The following HTR6 variants were observed in gnomAD, a reference collection of about 807,000 sequenced individuals.
HTR6 encodes the protein 5-hydroxytryptamine receptor 6.
In HTR6, 15 loss-of-function variants were observed where a neutral mutation model predicts 17.4. The observed-to-expected ratio is 0.86, with a 90% CI of 0.58 to 1.33. The LOEUF (loss-of-function observed/expected upper bound fraction) is 1.33. Ranked by LOEUF, HTR6 falls within the 40% of genes most tolerant of loss-of-function variation. HTR6 has a pLI of 0.00. For synonymous variants in HTR6, 326 were observed against 295.5 expected, an observed-to-expected ratio of 1.10 and a Z score of -1.06; for missense variants, 578 against 616.0, an observed-to-expected ratio of 0.94 and a Z score of 0.65.
Position 19,672,593 on chromosome 1 carries a change from C to T in HTR6, c.715-5974C>T, listed in dbSNP as rs2100472382. On this transcript the variant is annotated intron_variant, in intron 1 of 2. Coordinates refer to ENST00000289753, the MANE Select transcript of HTR6 (RefSeq NM_000871.3). ...GGGTCTGGCTGGTTAGGGTTCAAGCCCTGCCTCTTTTGCCTCATAGCTGGA... is the reference window on the plus strand; with the variant it reads ...GGGTCTGGCTGGTTAGGGTTCAAGCTCTGCCTCTTTTGCCTCATAGCTGGA... Among the ~76,000 whole-genome samples the T allele has an allele frequency of 1.3e-5, 2 of 152,264 alleles. 1 individual carries two copies. Among genetic ancestry groups the T allele is most frequent in the South Asian group, 4.2e-4 (2 of 4,814 alleles).
intron 1 of HTR6, among the ~76,000 whole-genome samples, chr1:19,674,339 T>G (rs1369496478): frequency 6.6e-6 from 1 of 152,304 alleles, no homozygotes; most frequent in East Asian, 1.9e-4. Context: ...ATTGATTCAT[T>G]CTTTTAAAAC....
chr1:19,678,837 T>C (rs2095097603), intron 2 of HTR6, 82 bp from the exon 3 acceptor site: 2 of 1,557,938 alleles, frequency 1.3e-6, no homozygotes, highest in Non-Finnish European at 1.7e-6. Flanking sequence ...TGCGTGTGTG[T>C]GTGTGTCTGC....
At chr1:19,670,124 A>G (rs193146277) in intron 1 of HTR6, among the ~76,000 whole-genome samples, 2 of 151,932 alleles carry the variant, frequency 1.3e-5, no homozygotes, top group Admixed American at 6.6e-5. Flanking sequence ...TCTTTCAGCC[A>G]TACTGGCCTC....
chr1:19,675,876 C>T (rs1015904578), intron 1 of HTR6, among the ~76,000 whole-genome samples: 1 of 152,188 alleles, frequency 6.6e-6, no homozygotes, highest in African/African-American at 2.4e-5. Flanking sequence ...ATAGAGTCCA[C>T]TCTGGAGGAG....
rs748475745 is a variant in HTR6, at chr1:19,666,508, G to A, written c.714+41G>A. The A allele has an allele frequency of 1.1e-5, 16 of 1,482,244 alleles. No individual in the cohort carries two copies. Among genetic ancestry groups the A allele is most frequent in the South Asian group, 1.2e-5 (1 of 81,100 alleles). 91.8% of individuals were successfully genotyped at this position (1,482,244 alleles called of 1,614,324 possible). On this transcript the variant is annotated intron_variant, in intron 1 of 2. Coordinates refer to ENST00000289753, the MANE Select transcript of HTR6 (RefSeq NM_000871.3). This position sits in a 1 kb window ranked among gnomAD's most constrained non-coding sequence, Gnocchi z 4.5. ...AGGGAGACCCGGGCTGTGGGATAGA[G>A]AGGAATGAGCAGCCCCTGGGGACCC...
At chr1:19,677,650 A>T (rs2095095966) in intron 1 of HTR6, among the ~76,000 whole-genome samples, 1 of 152,250 alleles carries the variant, frequency 6.6e-6, no homozygotes, top group Non-Finnish European at 1.5e-5. Context: ...TTGCTCCCAA[A>T]TGTGAAGACA....
rs549783007 is a variant in HTR6, at chr1:19,679,039, G to A, written c.994G>A (p.Gly332Ser). ...CATGCGGGACTTCAAGCGGGCGCTG[G>A]GCAGGTTCCTGCCATGTCCACGCTG... ...LFMRDFKRALGRFLPCPRCPR... is the reference protein window; with the variant it reads ...LFMRDFKRALSRFLPCPRCPR... Residue 332 changes from glycine (G) to serine (S), a missense_variant, in exon 3 of 3, where the codon GGC becomes AGC. Physicochemically the swap from Gly to Ser is moderately conservative, Grantham distance 56. Transcript: ENST00000289753. This position sits in a 1 kb window ranked among gnomAD's most constrained non-coding sequence, Gnocchi z 4.9. 6.2e-7 allele frequency: 1 copy of A among 1,614,096 alleles called. No individual in the cohort carries two copies. The highest frequency in any genetic ancestry group is 8.5e-7 in the Non-Finnish European group (1 of 1,179,980).
At position 19,679,462 on chromosome 1, in the gene HTR6, A is replaced by G. The variant is rs2095099032; in HGVS notation, c.*94A>G. 3 of 1,434,608 alleles carry G rather than the reference A, an allele frequency of 2.1e-6. No homozygotes were observed. Among genetic ancestry groups the G allele is most frequent in the Non-Finnish European group, 1.8e-6 (2 of 1,093,370 alleles). 88.9% of individuals were successfully genotyped at this position (1,434,608 alleles called of 1,614,324 possible). ...CTCTTGGCTAAGACCAGGAGGCTGC[A>G]AGTCTCCTAGAAGCCCTCTGAGCTC... On this transcript the variant is annotated 3_prime_UTR_variant, in exon 3 of 3. Transcript: ENST00000289753. The surrounding 1 kb of genome is among the most constrained non-coding windows in gnomAD (Gnocchi z 4.9).
rs1269687727 is a variant in HTR6, at chr1:19,676,465, T to C, written c.715-2102T>C. 2.6e-5 allele frequency among the ~76,000 whole-genome samples: 4 copies of C among 152,244 alleles called. No individual in the cohort carries two copies. In the South Asian group the frequency reaches 6.2e-4, roughly 24 times the overall value. Reference sequence around the variant, plus strand: ...GATATTTGTACAACCAGATTTCATGTGAAGAAACACGTTGAGGGGTGGGGA... The same window carrying C: ...GATATTTGTACAACCAGATTTCATGCGAAGAAACACGTTGAGGGGTGGGGA... On this transcript the variant is annotated intron_variant, in intron 1 of 2. Coordinates refer to ENST00000289753, the MANE Select transcript of HTR6 (RefSeq NM_000871.3).
intron 1 of HTR6, among the ~76,000 whole-genome samples, chr1:19,673,696 C>T (rs547709038): frequency 6.6e-6 from 1 of 151,988 alleles, no homozygotes; most frequent in African/African-American, 2.4e-5. Context: ...GAGACTTCGT[C>T]TCAAAAAATA....
Position 19,665,869 on chromosome 1 carries a change from T to A in HTR6, c.116T>A (p.Leu39Gln). 1 of 1,602,728 alleles carries A rather than the reference T, an allele frequency of 6.2e-7. No individual in the cohort carries two copies. Among genetic ancestry groups the A allele is most frequent in the Non-Finnish European group, 8.5e-7 (1 of 1,175,356 alleles). The change falls in exon 1 of 3, where the codon CTG becomes CAG. Residue 39 changes from leucine (L) to glutamine (Q), a missense_variant. Physicochemically the swap from Leu to Gln is moderately radical, Grantham distance 113 (BLOSUM62 -2). Coordinates refer to ENST00000289753, the MANE Select transcript of HTR6 (RefSeq NM_000871.3). This position sits in a 1 kb window ranked among gnomAD's most constrained non-coding sequence, Gnocchi z 4.2. The part of the protein sequence containing the change: ...VAAALCVVIA[L>Q]TAAANSLLIA... ...GCCGCGCTGTGCGTGGTCATCGCGC[T>A]GACGGCGGCGGCCAACTCGCTGCTG...
intron 1 of HTR6, among the ~76,000 whole-genome samples, chr1:19,670,397 T>G (rs1209278213): frequency 1.3e-5 from 2 of 152,074 alleles, no homozygotes; most frequent in Non-Finnish European, 2.9e-5. Flanking sequence ...CTACCCATTT[T>G]TATTTATTTA....
rs781006812 is a variant in HTR6, at chr1:19,666,331, C to T, written c.578C>T (p.Ser193Leu). The change falls in exon 1 of 3, where the codon TCG (serine) becomes TTG (leucine). Residue 193 changes from serine to leucine, a missense_variant. Transcript: ENST00000289753. This position sits in a 1 kb window ranked among gnomAD's most constrained non-coding sequence, Gnocchi z 4.5. ...AGCCTGCCTTTTGTCCTTGTGGCGT[C>T]GGGCCTCACCTTCTTCCTGCCCTCG... The part of the protein sequence containing the change: ...LASLPFVLVA[S>L]GLTFFLPSGA... 2 of 1,613,676 alleles carry T rather than the reference C, an allele frequency of 1.2e-6. No homozygotes were observed. Among genetic ancestry groups the T allele is most frequent in the Admixed American group, 1.7e-5 (1 of 60,026 alleles).
In HTR6 at chr1:19,665,574, G is replaced by T. The variant is rs1241967439; in HGVS notation, c.-180G>T. ...CACACTGTGTCCTCCTGTAGTCGCT[G>T]CCCCCTGACCTAGCGCGACCCAGCG... On this transcript the variant is annotated 5_prime_UTR_variant, in exon 1 of 3. Transcript: ENST00000289753. The surrounding 1 kb of genome is among the most constrained non-coding windows in gnomAD (Gnocchi z 4.2). 2 of 504,118 alleles carry T rather than the reference G, an allele frequency of 4.0e-6. No homozygotes were observed. Among genetic ancestry groups the T allele is most frequent in the Non-Finnish European group, 7.0e-6 (2 of 287,022 alleles). The allele number at this position is 504,118 out of a possible 1,614,324, so 31.2% of individuals were successfully genotyped here. A position where few individuals can be genotyped will look rare whatever the true frequency, so the allele number is the denominator to read the frequency against.
intron 1 of HTR6, among the ~76,000 whole-genome samples, chr1:19,672,497 G>A (rs929930221): frequency 6.6e-6 from 1 of 152,126 alleles, no homozygotes; most frequent in Non-Finnish European, 1.5e-5. Context: ...TGACACTGCC[G>A]AGCATGGCAG....
chr1:19,678,766 G>C (rs200527196), intron 2 of HTR6, 41 bp downstream of exon 2: 4 of 1,585,622 alleles, frequency 2.5e-6, no homozygotes, highest in Non-Finnish European at 3.4e-6. Context: ...GGCCCTTGCA[G>C]GAGAGGCCCT....
chr1:19,678,756 G>C (rs558171153), intron 2 of HTR6, 31 bp downstream of exon 2: 4 of 1,591,100 alleles, frequency 2.5e-6, no homozygotes, highest in Middle Eastern at 3.4e-4. Flanking sequence ...AGGTGAGTCC[G>C]GCCCTTGCAG....
chr1:19,668,037 G>T (rs1338964138), intron 1 of HTR6, among the ~76,000 whole-genome samples: 1 of 152,230 alleles, frequency 6.6e-6, no homozygotes, highest in Non-Finnish European at 1.5e-5. Context: ...ACCCAGGTGG[G>T]TGAGGCCCAA....
At chr1:19,673,605 G>A (rs915050928) in intron 1 of HTR6, among the ~76,000 whole-genome samples, 1 of 152,208 alleles carries the variant, frequency 6.6e-6, no homozygotes, top group Non-Finnish European at 1.5e-5. Flanking sequence ...GGCTGAGGCA[G>A]GAGAATCGCT....
Sources: allele counts gnomAD v4.1 joint callset (sites outside exome capture counted in the v4.1 genomes callset), GRCh38; gene constraint gnomAD v4.1.1; non-coding constraint Gnocchi (gnomAD v3.1); transcripts MANE v1.5; gene names NCBI Gene and HGNC (gene_info 2026-07-23, HGNC 2026-07-21).